ARHGAP32: variants seen among roughly 807,000 people sequenced by gnomAD.
The protein encoded by ARHGAP32 is Rho GTPase activating protein 32, also known as rho GTPase-activating protein 32.
A neutral mutation model predicts 186.5 loss-of-function variants in ARHGAP32; 51 were observed. The ratio of observed to expected loss-of-function variants is 0.27; its 90% CI spans 0.22 to 0.35. The LOEUF is 0.35. Ranked by LOEUF, ARHGAP32 falls within the 10% of genes least tolerant of loss-of-function variation. The probability of loss-of-function intolerance (pLI) is 1.00; values close to 1 mark genes in which losing one functional copy is unlikely to be tolerated. For synonymous variants in ARHGAP32, 950 were observed against 964.3 expected, an observed-to-expected ratio of 0.99 and a Z score of 0.27; for missense variants, 2,186 against 2,623.5, an observed-to-expected ratio of 0.83 and a Z score of 3.64.
rs368212738 is a variant in ARHGAP32, at chr11:129,092,170, T to C, written c.531+1451A>G. ...AAAATCAAGTAACAATTATACGTTA[T>C]AATATTTGGTACCAAAATACCATGC... On this transcript the variant is annotated intron_variant, in intron 6 of 22. Coordinates refer to ENST00000682385, the MANE Select transcript of ARHGAP32 (RefSeq NM_001378024.1). Among the ~76,000 whole-genome samples, 599 of 152,142 alleles carry C rather than the reference T, an allele frequency of 3.9e-3. 2 individuals carry two copies. Among genetic ancestry groups the C allele is most frequent in the African/African-American group, 0.011 (444 of 41,560 alleles).
intron 1 of ARHGAP32, among the ~76,000 whole-genome samples, chr11:129,210,716 T>A (rs1003391701): frequency 2.6e-5 from 4 of 152,200 alleles, no homozygotes; most frequent in Non-Finnish European, 5.9e-5. Flanking sequence ...AATTAACCAC[T>A]CAACTATTTC....
intron 1 of ARHGAP32, among the ~76,000 whole-genome samples, chr11:129,189,192 G>GCAA (rs1228489844): frequency 5.9e-5 from 9 of 152,122 alleles, no homozygotes; most frequent in African/African-American, 2.2e-4. Flanking sequence ...GCATTTAGCA[G>GCAA]AAGATAGCCC....
chr11:129,145,573 C>T (rs1167138688), intron 2 of ARHGAP32, among the ~76,000 whole-genome samples: 1 of 151,962 alleles, frequency 6.6e-6, no homozygotes, highest in Non-Finnish European at 1.5e-5. Flanking sequence ...GGCTATACAA[C>T]AAATCATATC....
At chr11:129,209,559 TTA>T (rs1944554536) in intron 1 of ARHGAP32, among the ~76,000 whole-genome samples, 1 of 152,080 alleles carries the variant, frequency 6.6e-6, no homozygotes, top group Non-Finnish European at 1.5e-5. Flanking sequence ...AGCTGAATTC[TTA>T]TGTCAGAAAT....
At chr11:129,200,505 G>A (rs1037880211) in intron 1 of ARHGAP32, among the ~76,000 whole-genome samples, 1 of 152,132 alleles carries the variant, frequency 6.6e-6, no homozygotes, top group African/African-American at 2.4e-5. Flanking sequence ...TCTTTCTCTT[G>A]TCTGCTCCCA....
intron 11 of ARHGAP32, among the ~76,000 whole-genome samples, chr11:129,003,269 G>A (rs1226516595): frequency 6.6e-6 from 1 of 152,154 alleles, no homozygotes; most frequent in African/African-American, 2.4e-5. Flanking sequence ...CCTTGTTAAT[G>A]TGTTATTGAA....
intron 11 of ARHGAP32, among the ~76,000 whole-genome samples, chr11:129,002,107 T>A (rs951711337): frequency 1.3e-5 from 2 of 152,180 alleles, no homozygotes; most frequent in African/African-American, 4.8e-5. Context: ...TAAATTTTAG[T>A]ATATTTTTTT....
rs556571446 is a variant in ARHGAP32 at position 129,181,149 on chromosome 11, G to T, written c.116+10934C>A. Among the ~76,000 whole-genome samples the T allele has an allele frequency of 7.9e-4, 120 of 152,174 alleles. 2 individuals carry two copies. In the South Asian group the frequency reaches 0.024, roughly 31 times the overall value. Reference sequence around the variant, plus strand: ...CTTTCTCTTTCTATTCTTCCGATCGGTTTTTGTTTATTTCTTATTCTTCGC... The same window carrying T: ...CTTTCTCTTTCTATTCTTCCGATCGTTTTTTGTTTATTTCTTATTCTTCGC... On this transcript the variant is annotated intron_variant, in intron 1 of 22. Coordinates refer to ENST00000682385, the MANE Select transcript of ARHGAP32 (RefSeq NM_001378024.1).
At chr11:129,043,364 T>G (rs1189345382) in intron 10 of ARHGAP32, among the ~76,000 whole-genome samples, 2 of 149,784 alleles carry the variant, frequency 1.3e-5, no homozygotes, top group African/African-American at 4.9e-5. Flanking sequence ...TCTCTTTCTA[T>G]GCAAATTTCT....
At chr11:128,985,850 G>A (rs1427441538) in intron 15 of ARHGAP32, 153 bp downstream of exon 15, 59 of 130,328 alleles carry the variant, frequency 4.5e-4, no homozygotes, top group African/African-American at 2.4e-3. Context: ...GTGTGTGTGT[G>A]TGTGTGTGTA....
chr11:129,108,680 T>C (rs1387680831), intron 5 of ARHGAP32, among the ~76,000 whole-genome samples: 1 of 152,198 alleles, frequency 6.6e-6, no homozygotes, highest in Non-Finnish European at 1.5e-5. Context: ...TGTTGTTGAG[T>C]TGTAATAGTT....
chr11:129,125,187 T>C (rs1400130491), intron 2 of ARHGAP32, among the ~76,000 whole-genome samples: 1 of 152,092 alleles, frequency 6.6e-6, no homozygotes, highest in Non-Finnish European at 1.5e-5. Context: ...GAATTAAAAT[T>C]TCCCCTGGAA....
intron 2 of ARHGAP32, among the ~76,000 whole-genome samples, chr11:129,131,542 G>A (rs758993125): frequency 2.6e-5 from 4 of 151,986 alleles, no homozygotes; most frequent in Admixed American, 6.6e-5. Flanking sequence ...GAGAATGTGG[G>A]CAAAGTCTCC....
intron 1 of ARHGAP32, among the ~76,000 whole-genome samples, chr11:129,166,701 C>T (rs1364381610): frequency 6.7e-6 from 1 of 150,076 alleles, no homozygotes; most frequent in Non-Finnish European, 1.5e-5. Flanking sequence ...CAAATGAAAG[C>T]TGAAAAAAAC....
intron 1 of ARHGAP32, among the ~76,000 whole-genome samples, chr11:129,244,710 C>T (rs1026249431): frequency 4.0e-4 from 60 of 151,790 alleles, no homozygotes; most frequent in African/African-American, 1.4e-3. Flanking sequence ...TGACAAAGGG[C>T]TAATATCCAG....
chr11:129,035,194 C>T (rs1755173218), intron 11 of ARHGAP32, among the ~76,000 whole-genome samples: 1 of 152,004 alleles, frequency 6.6e-6, no homozygotes, highest in African/African-American at 2.4e-5. Flanking sequence ...CTCTCTCTCT[C>T]TATCAAACTC....
At chr11:129,083,674 C>T (rs1378717059) in intron 6 of ARHGAP32, among the ~76,000 whole-genome samples, 1 of 152,022 alleles carries the variant, frequency 6.6e-6, no homozygotes, top group Non-Finnish European at 1.5e-5. Context: ...AAGAACTTAT[C>T]CATATAATCA....
At chr11:129,222,452 C>T (rs1328736434) in intron 1 of ARHGAP32, among the ~76,000 whole-genome samples, 1 of 152,150 alleles carries the variant, frequency 6.6e-6, no homozygotes, top group Non-Finnish European at 1.5e-5. Context: ...TGCTACACTA[C>T]AAGACACAGG....
chr11:129,138,449 CA>C (rs1373238429), intron 2 of ARHGAP32, among the ~76,000 whole-genome samples: 2 of 152,030 alleles, frequency 1.3e-5, no homozygotes, highest in African/African-American at 4.8e-5. Flanking sequence ...GGAAAACTTG[CA>C]AAACTAGGAA....
Sources: allele counts gnomAD v4.1 joint callset (sites outside exome capture counted in the v4.1 genomes callset), GRCh38; gene constraint gnomAD v4.1.1; transcripts MANE v1.5; gene names NCBI Gene and HGNC (gene_info 2026-07-23, HGNC 2026-07-21).